GPLD1: variants seen among roughly 807,000 people sequenced by gnomAD.
The protein encoded by GPLD1 is phosphatidylinositol-glycan-specific phospholipase D.
In GPLD1, 84 loss-of-function variants were observed where a neutral mutation model predicts 112.6. The observed-to-expected ratio is 0.75, with a 90% CI of 0.63 to 0.89. The LOEUF (loss-of-function observed/expected upper bound fraction) is 0.89. GPLD1 is among the 40% of genes least tolerant of loss of function. GPLD1 has a pLI of 0.00. For synonymous variants in GPLD1, 386 were observed against 403.8 expected (o/e 0.96, Z 0.53); for missense variants, 1,044 against 1,051.5 (o/e 0.99, Z 0.10).
At position 24,428,919 on chromosome 6, in the gene GPLD1, A is replaced by G. The variant is rs1762319178; in HGVS notation, c.*113T>C. 1.6e-6 allele frequency: 1 copy of G among 622,870 alleles called. No individual in the cohort carries two copies. The highest frequency in any genetic ancestry group is 2.8e-6 in the Non-Finnish European group (1 of 356,546). The allele number at this position is 622,870 out of a possible 1,614,324, so 38.6% of individuals were successfully genotyped here. On this transcript the variant is annotated 3_prime_UTR_variant, in exon 25 of 25. Coordinates refer to ENST00000230036, the MANE Select transcript of GPLD1 (RefSeq NM_001503.4). ...CTCTACTCCCAGGAGCCCCATGTCTATCAGGATCTACCACCGCTCCACTGG... is the reference window on the plus strand; with the variant it reads ...CTCTACTCCCAGGAGCCCCATGTCTGTCAGGATCTACCACCGCTCCACTGG...
chr6:24,471,280 A>G (rs767674905), intron 7 of GPLD1, among the ~76,000 whole-genome samples: 12 of 152,190 alleles, frequency 7.9e-5, no homozygotes, highest in Non-Finnish European at 1.5e-4. Context: ...GGATCACTTG[A>G]GCCCAGGAGT....
intron 8 of GPLD1, 77 bp downstream of exon 8, chr6:24,467,090 G>T: frequency 8.8e-7 from 1 of 1,141,982 alleles, no homozygotes; most frequent in Non-Finnish European, 1.3e-6. Flanking sequence ...TCCAGTCTCA[G>T]GAAACAAAAA....
In GPLD1 at chr6:24,456,542, G is replaced by T; in HGVS notation, c.1104C>A (p.Pro368=). ...GAAATGACAAGAAGTAAGATGCTAA[G>T]GGGCTGGAGACGTGCTTTTGTGACA... ...SQLSQKHVSS[P]LASYFLSFPY... Residue 368 remains proline, a synonymous_variant, in exon 13 of 25, where the codon CCC becomes CCA. Coordinates refer to ENST00000230036, the MANE Select transcript of GPLD1 (RefSeq NM_001503.4). 1 of 1,610,978 alleles carries T rather than the reference G, an allele frequency of 6.2e-7. No homozygotes were observed. Among genetic ancestry groups the T allele is most frequent in the African/African-American group, 1.3e-5 (1 of 75,000 alleles).
chr6:24,473,768 G>A (rs2127360726), intron 5 of GPLD1, 101 bp from the exon 6 acceptor site: 5 of 694,970 alleles, frequency 7.2e-6, no homozygotes, highest in South Asian at 1.7e-5. Context: ...CTAACTCAAT[G>A]AACTGCTGAG....
intron 24 of GPLD1, among the ~76,000 whole-genome samples, chr6:24,429,601 G>A (rs113751629): frequency 6.6e-6 from 1 of 152,206 alleles, no homozygotes; most frequent in African/African-American, 2.4e-5. Flanking sequence ...AGGCTGGAGT[G>A]CAGTGATGTG....
At chr6:24,449,271 G>A (rs1763005530) in intron 15 of GPLD1, among the ~76,000 whole-genome samples, 2 of 152,054 alleles carry the variant, frequency 1.3e-5, no homozygotes, top group African/African-American at 2.4e-5. Context: ...GCTGGCAAGG[G>A]AGGGCCCTCG....
upstream of GPLD1, among the ~76,000 whole-genome samples, chr6:24,493,598 C>A (rs1764612356): frequency 6.6e-6 from 1 of 152,228 alleles, no homozygotes; most frequent in African/African-American, 2.4e-5. Context: ...ACCTGTGATA[C>A]CTACTGGCCC....
intron 12 of GPLD1, among the ~76,000 whole-genome samples, chr6:24,457,477 T>C (rs1763304397): frequency 6.6e-6 from 1 of 152,094 alleles, no homozygotes; most frequent in African/African-American, 2.4e-5. Flanking sequence ...TGAGACTCTG[T>C]CTCAACAACA....
rs1402971370 is a variant in GPLD1 at position 24,480,819 on chromosome 6, C to T, written c.154-860G>A. 7.2e-5 allele frequency among the ~76,000 whole-genome samples: 11 copies of T among 152,208 alleles called. No individual in the cohort carries two copies. In the South Asian group the frequency reaches 2.3e-3, roughly 32 times the overall value. The stretch of plus-strand genomic sequence containing the variant: ...GCTAGAAAACACAGACTACATTTCC[C>T]AGGCTGTCTCAGCTCACAGTCTGAT... On this transcript the variant is annotated intron_variant, in intron 2 of 24. Coordinates refer to ENST00000230036, the MANE Select transcript of GPLD1 (RefSeq NM_001503.4).
chr6:24,448,469 T>C (rs950474300), intron 15 of GPLD1, among the ~76,000 whole-genome samples: 1 of 152,014 alleles, frequency 6.6e-6, no homozygotes, highest in Non-Finnish European at 1.5e-5. Context: ...CCACCCCCAA[T>C]GATTGGGAGC....
intron 1 of GPLD1, among the ~76,000 whole-genome samples, chr6:24,487,029 G>T (rs1484111051): frequency 6.6e-6 from 1 of 152,026 alleles, no homozygotes. Context: ...ATCAATAAGA[G>T]GACTAACATT....
At chr6:24,470,151 ATGGAGT>A (rs1763752871) in intron 7 of GPLD1, among the ~76,000 whole-genome samples, 1 of 151,372 alleles carries the variant, frequency 6.6e-6, no homozygotes, top group South Asian at 2.1e-4. Context: ...TTTTTTTGAG[ATGGAGT>A]TGGAGTCTCA....
At chr6:24,460,178 G>T in intron 12 of GPLD1, 101 bp downstream of exon 12, 1 of 1,390,842 alleles carries the variant, frequency 7.2e-7, no homozygotes. Flanking sequence ...TCCCACCACA[G>T]GTAAATTTCA....
At chr6:24,469,341 C>A (rs533575336) in intron 7 of GPLD1, among the ~76,000 whole-genome samples, 1 of 133,364 alleles carries the variant, frequency 7.5e-6, no homozygotes, top group African/African-American at 2.9e-5. Context: ...ATGTTTATTG[C>A]GGCATTATTC....
At chr6:24,495,040 T>A in exon 1 of GPLD1, 1 of 1,350,756 alleles carries the variant, frequency 7.4e-7, no homozygotes, top group Non-Finnish European at 9.5e-7. Flanking sequence ...GCCCGGCGCC[T>A]CGGGTCGACG....
chr6:24,467,380 A>G, intron 7 of GPLD1, 106 bp from the exon 8 acceptor site: 1 of 701,560 alleles, frequency 1.4e-6, no homozygotes, highest in Non-Finnish European at 2.5e-6. Context: ...TGTGCCAGGC[A>G]CCATGTAAAA....
At chr6:24,435,399 T>C (rs1645600526) in intron 22 of GPLD1, among the ~76,000 whole-genome samples, 3 of 152,116 alleles carry the variant, frequency 2.0e-5, no homozygotes, top group African/African-American at 4.8e-5. Flanking sequence ...ATTAAATTCA[T>C]AGGAAAAATA....
chr6:24,460,151 GC>G (rs1434189968), intron 12 of GPLD1, 127 bp downstream of exon 12: 3 of 1,065,988 alleles, frequency 2.8e-6, no homozygotes, highest in Non-Finnish European at 4.2e-6. Flanking sequence ...TCTCAACTCA[GC>G]CTCCCAGCCA....
chr6:24,430,938 T>G (rs1762381592), intron 24 of GPLD1, among the ~76,000 whole-genome samples: 1 of 152,232 alleles, frequency 6.6e-6, no homozygotes, highest in African/African-American at 2.4e-5. Context: ...TTTTAGATTA[T>G]ATATACCACT....
Sources: allele counts gnomAD v4.1 joint callset (sites outside exome capture counted in the v4.1 genomes callset), GRCh38; gene constraint gnomAD v4.1.1; transcripts MANE v1.5; gene names NCBI Gene and HGNC (gene_info 2026-07-23, HGNC 2026-07-21).